The following DCAF8L2 variants were observed in gnomAD, a reference collection of about 807,000 sequenced individuals.
DCAF8L2 encodes the protein DDB1- and CUL4-associated factor 8-like protein 2.
For synonymous variants in DCAF8L2, 200 were observed against 190.9 expected, an observed-to-expected ratio of 1.05 and a Z score of -0.39; for missense variants, 430 against 490.7, an observed-to-expected ratio of 0.88 and a Z score of 1.17.
At chrX:27,522,413 T>C in the DCAF8L2 span, among the ~76,000 whole-genome samples, 8 of 112,467 alleles carry the variant, frequency 7.1e-5, no homozygotes, top group African/African-American at 1.6e-4. Flanking sequence ...TGTCATACTT[T>C]ATTGCTCTTT....
At chrX:27,733,766 C>T (rs745352926) in intron 4 of DCAF8L2, among the ~76,000 whole-genome samples, 1 of 111,467 alleles carries the variant, frequency 9.0e-6, no homozygotes, top group Non-Finnish European at 1.9e-5. Flanking sequence ...GCTTTCCCAA[C>T]ACCATGAATT....
At chrX:27,681,094 G>T (rs1245335151) in intron 3 of DCAF8L2, among the ~76,000 whole-genome samples, 2 of 111,572 alleles carry the variant, frequency 1.8e-5, no homozygotes, top group African/African-American at 6.5e-5. Flanking sequence ...ATGCCTTTGA[G>T]CTGGGCTAAT....
the DCAF8L2 span, among the ~76,000 whole-genome samples, chrX:27,514,687 A>AAAC: frequency 1.3e-5 from 1 of 79,494 alleles, no homozygotes; most frequent in Non-Finnish European, 2.3e-5. Context: ...AAAAAAAAAA[A>AAAC]AAAAAAAACA....
chrX:27,474,540 A>G, the DCAF8L2 span, among the ~76,000 whole-genome samples: 1 of 111,694 alleles, frequency 9.0e-6, no homozygotes, highest in Non-Finnish European at 1.9e-5. Flanking sequence ...CTCAATTTCT[A>G]CATCTTTAAA....
At chrX:27,673,714 TACAC>T (rs755572536) in intron 2 of DCAF8L2, among the ~76,000 whole-genome samples, 3 of 108,549 alleles carry the variant, frequency 2.8e-5, no homozygotes, top group Non-Finnish European at 5.7e-5. Context: ...TATATATATA[TACAC>T]ACACACATAT....
At chrX:27,611,712 C>T (rs71418516) in intron 1 of DCAF8L2, among the ~76,000 whole-genome samples, 6 of 109,727 alleles carry the variant, frequency 5.5e-5, no homozygotes, top group East Asian at 2.9e-4. Flanking sequence ...TCTGTCCTTG[C>T]GATAGCTTGC....
intron 1 of DCAF8L2, among the ~76,000 whole-genome samples, chrX:27,598,976 T>A (rs7877914): frequency 0.016 from 1,415 of 86,029 alleles, 18 homozygotes; most frequent in African/African-American, 0.027. Flanking sequence ...AAAAAAAAAA[T>A]ATATATATAT....
chrX:27,501,871 C>G, the DCAF8L2 span, among the ~76,000 whole-genome samples: 41 of 110,709 alleles, frequency 3.7e-4, no homozygotes, highest in African/African-American at 1.3e-3. Flanking sequence ...CTATATACCC[C>G]CATAAGGAGG....
At chrX:27,675,148 GAC>G in intron 2 of DCAF8L2, among the ~76,000 whole-genome samples, 2 of 111,552 alleles carry the variant, frequency 1.8e-5, no homozygotes, top group Middle Eastern at 4.6e-3. Flanking sequence ...AGATTTAGAA[GAC>G]ACAGAAGAAT....
intron 2 of DCAF8L2, among the ~76,000 whole-genome samples, chrX:27,641,981 C>T (rs1234356269): frequency 4.6e-5 from 5 of 108,492 alleles, no homozygotes; most frequent in East Asian, 2.9e-4. Flanking sequence ...CTCTGCCTCC[C>T]GGATTCACGC....
chrX:27,533,198 GAA>G, the DCAF8L2 span, among the ~76,000 whole-genome samples: 11 of 29,727 alleles, frequency 3.7e-4, no homozygotes, highest in East Asian at 6.2e-3. Context: ...AAGAAAGAAA[GAA>G]AGAAAGAAAG....
chrX:27,711,895 G>A (rs1473037934), intron 3 of DCAF8L2, among the ~76,000 whole-genome samples: 1 of 110,740 alleles, frequency 9.0e-6, no homozygotes, highest in Non-Finnish European at 1.9e-5. Flanking sequence ...GCACTATTCA[G>A]GTTATTTATT....
At chrX:27,488,310 C>T in the DCAF8L2 span, among the ~76,000 whole-genome samples, 18 of 111,270 alleles carry the variant, frequency 1.6e-4, no homozygotes, top group Non-Finnish European at 1.9e-5. Flanking sequence ...AAAATGTCTA[C>T]TAAATTATTT....
At chrX:27,670,437 A>G (rs1374021744) in intron 2 of DCAF8L2, among the ~76,000 whole-genome samples, 2 of 110,893 alleles carry the variant, frequency 1.8e-5, no homozygotes, top group East Asian at 5.7e-4. Context: ...TCAAGTGCCA[A>G]ATTATGCTCT....
the DCAF8L2 span, among the ~76,000 whole-genome samples, chrX:27,566,692 A>AT: frequency 1.8e-5 from 2 of 108,368 alleles, no homozygotes; most frequent in Non-Finnish European, 3.9e-5. Flanking sequence ...ACCAACTTTT[A>AT]TTTTTTCTAT....
the DCAF8L2 span, among the ~76,000 whole-genome samples, chrX:27,499,736 A>T: frequency 9.0e-6 from 1 of 110,759 alleles, no homozygotes; most frequent in African/African-American, 3.3e-5. Context: ...GAACTCTATC[A>T]TGAGTCAGCA....
At chrX:27,476,421 G>A in the DCAF8L2 span, among the ~76,000 whole-genome samples, 2 of 111,563 alleles carry the variant, frequency 1.8e-5, no homozygotes, top group Non-Finnish European at 3.8e-5. Flanking sequence ...AGGGTGAGCA[G>A]GGCAAGTAGA....
the DCAF8L2 span, among the ~76,000 whole-genome samples, chrX:27,520,713 A>G: frequency 3.6e-4 from 40 of 112,170 alleles, no homozygotes; most frequent in Middle Eastern, 0.014. Context: ...TAATAAAGAA[A>G]TACTTCTTGC....
chrX:27,591,109 G>A (rs937550881), intron 1 of DCAF8L2, among the ~76,000 whole-genome samples: 24 of 105,942 alleles, frequency 2.3e-4, no homozygotes, highest in African/African-American at 7.8e-4. Context: ...ATAAATGCTG[G>A]GGGTTTTTCT....
Sources: gnomAD v4.1 joint callset for allele counts (sites outside exome capture counted in the v4.1 genomes callset) on GRCh38, gnomAD v4.1.1 for gene constraint, MANE v1.5 for transcripts, NCBI Gene and HGNC (gene_info 2026-07-23, HGNC 2026-07-21) for gene names.